Variants in CAMKMT observed in about 807,000 individuals in gnomAD.
The protein encoded by CAMKMT is calmodulin-lysine N-methyltransferase.
A neutral mutation model predicts 48.0 loss-of-function variants in CAMKMT; 53 were observed. The observed-to-expected ratio is 1.10, with a 90% CI of 0.89 to 1.39. CAMKMT has a LOEUF of 1.39. Ranked by LOEUF, CAMKMT falls within the 40% of genes most tolerant of loss-of-function variation. The pLI is 0.00. For missense variants in CAMKMT, 428 were observed against 402.7 expected, an observed-to-expected ratio of 1.06 and a Z score of -0.54; for synonymous variants, 165 against 152.3, an observed-to-expected ratio of 1.08 and a Z score of -0.61.
At position 44,623,480 on chromosome 2, in the gene CAMKMT, TC is replaced by T. The variant is rs528625442; in HGVS notation, c.377-80801del. On this transcript the variant is annotated intron_variant, in intron 3 of 10. Coordinates refer to ENST00000378494, the MANE Select transcript of CAMKMT (RefSeq NM_024766.5). ...TGAGGTCTTCTGTTTAAGTCTTTAA[TC>T]CATCTTGAGTTAATTTTTTTATATG... Among the ~76,000 whole-genome samples the T allele has an allele frequency of 2.4e-3, 369 of 152,326 alleles. 3 individuals carry two copies. Among genetic ancestry groups the T allele is most frequent in the African/African-American group, 8.5e-3 (354 of 41,572 alleles).
intron 3 of CAMKMT, among the ~76,000 whole-genome samples, chr2:44,397,860 G>A (rs1329451963): frequency 2.6e-5 from 4 of 152,164 alleles, no homozygotes; most frequent in Non-Finnish European, 5.9e-5. Context: ...ATAATCCTTT[G>A]TAGATTCATA....
intron 3 of CAMKMT, among the ~76,000 whole-genome samples, chr2:44,675,123 A>T (rs1360138109): frequency 6.6e-6 from 1 of 151,290 alleles, no homozygotes; most frequent in Non-Finnish European, 1.5e-5. Context: ...ATAGTAGGAG[A>T]ATCTTCCCTT....
intron 3 of CAMKMT, among the ~76,000 whole-genome samples, chr2:44,391,695 G>T (rs1681357236): frequency 6.6e-6 from 1 of 152,100 alleles, no homozygotes; most frequent in Non-Finnish European, 1.5e-5. Context: ...GCCACTAGCT[G>T]ACAGCATTAT....
At chr2:44,403,346 C>A (rs552754082) in intron 3 of CAMKMT, among the ~76,000 whole-genome samples, 61 of 152,258 alleles carry the variant, frequency 4.0e-4, no homozygotes, top group East Asian at 5.8e-4. Context: ...TTGAGCTGCA[C>A]GAATGCCTTC....
intron 3 of CAMKMT, chr2:44,456,542 T>C: frequency 1.3e-6 from 2 of 1,549,158 alleles, no homozygotes; most frequent in Non-Finnish European, 1.7e-6. Flanking sequence ...TTACCTTTTC[T>C]ATACATGTCA....
chr2:44,522,559 C>T (rs1056281884), intron 3 of CAMKMT, among the ~76,000 whole-genome samples: 10 of 152,262 alleles, frequency 6.6e-5, no homozygotes, highest in Non-Finnish European at 1.5e-4. Context: ...GTTCTTTTGT[C>T]TGTCTGAAAG....
chr2:44,581,970 G>A (rs911950972), intron 3 of CAMKMT, among the ~76,000 whole-genome samples: 2 of 152,244 alleles, frequency 1.3e-5, no homozygotes, highest in African/African-American at 4.8e-5. Flanking sequence ...CTGCACTCCA[G>A]GCTGGGCAAC....
chr2:44,415,328 A>T (rs1683481996), intron 3 of CAMKMT, among the ~76,000 whole-genome samples: 1 of 152,168 alleles, frequency 6.6e-6, no homozygotes, highest in Non-Finnish European at 1.5e-5. Context: ...TTCCTTCTTT[A>T]TAGGTCCAGG....
chr2:44,451,853 T>G (rs1667304072), intron 3 of CAMKMT, among the ~76,000 whole-genome samples: 1 of 151,888 alleles, frequency 6.6e-6, no homozygotes, highest in Non-Finnish European at 1.5e-5. Context: ...TGAGACAATT[T>G]TAGAGAAAAA....
In CAMKMT at chr2:44,756,231, G is replaced by A. The variant is rs1015258233; in HGVS notation, c.762+2113G>A. Among the ~76,000 whole-genome samples, 3 of 152,236 alleles carry A rather than the reference G, an allele frequency of 2.0e-5. No individual in the cohort carries two copies. In the South Asian group the frequency reaches 6.2e-4, roughly 32 times the overall value. On this transcript the variant is annotated intron_variant, in intron 9 of 10. Transcript: ENST00000378494. Reference sequence around the variant, plus strand: ...TTGATGGGCTAGGAGGCTGTCCAGAGCATGGGAGCAACCAGTAGAAAACTG... The same window carrying A: ...TTGATGGGCTAGGAGGCTGTCCAGAACATGGGAGCAACCAGTAGAAAACTG...
At chr2:44,615,608 G>C (rs1403678525) in intron 3 of CAMKMT, among the ~76,000 whole-genome samples, 2 of 152,158 alleles carry the variant, frequency 1.3e-5, no homozygotes, top group African/African-American at 4.8e-5. Context: ...TGAGATGATG[G>C]ATGTGGTTTG....
rs552806268 is a variant in CAMKMT, at chr2:44,731,135, G to T, written c.624-12487G>T. On this transcript the variant is annotated intron_variant, in intron 7 of 10. Coordinates refer to ENST00000378494, the MANE Select transcript of CAMKMT (RefSeq NM_024766.5). Reference sequence around the variant, plus strand: ...GCGGGTGGATCACTTGAGGCCAGAAGTTTGAGACCAGCCTGGCCAACATGG... The same window carrying T: ...GCGGGTGGATCACTTGAGGCCAGAATTTTGAGACCAGCCTGGCCAACATGG... 6.6e-4 allele frequency among the ~76,000 whole-genome samples: 101 copies of T among 152,312 alleles called. 1 individual carries two copies. The highest frequency in any genetic ancestry group is 1.3e-3 in the Non-Finnish European group (90 of 68,026).
intron 3 of CAMKMT, among the ~76,000 whole-genome samples, chr2:44,602,252 G>C (rs994781029): frequency 4.6e-5 from 7 of 151,916 alleles, no homozygotes; most frequent in African/African-American, 7.3e-5. Flanking sequence ...CAAAGTGCTG[G>C]TATTAGAAGC....
chr2:44,754,129 T>C lies in CAMKMT; in HGVS notation c.762+11T>C. ...TTACTCCAGCCCAGGGTAAGTATGT[T>C]TCTATTTTCTCCTGAACACTGGCTA... On this transcript the variant is annotated intron_variant, in intron 9 of 10. Transcript: ENST00000378494. The C allele has an allele frequency of 1.2e-6, 2 of 1,606,358 alleles. No individual in the cohort carries two copies. The highest frequency in any genetic ancestry group is 2.2e-5 in the South Asian group (2 of 90,930).
chr2:44,741,266 G>C (rs1316893045), intron 7 of CAMKMT, among the ~76,000 whole-genome samples: 1 of 152,178 alleles, frequency 6.6e-6, no homozygotes, highest in African/African-American at 2.4e-5. Context: ...AGCATGCATG[G>C]GAGTGTATCT....
chr2:44,632,180 A>G (rs1464705505), intron 3 of CAMKMT, among the ~76,000 whole-genome samples: 2 of 152,250 alleles, frequency 1.3e-5, no homozygotes, highest in South Asian at 2.1e-4. Flanking sequence ...CTGAGTTTCT[A>G]TGTAGTATTA....
chr2:44,497,984 C>G (rs1439595373), intron 3 of CAMKMT, among the ~76,000 whole-genome samples: 1 of 151,984 alleles, frequency 6.6e-6, no homozygotes, highest in Non-Finnish European at 1.5e-5. Context: ...AAGGTTAGGT[C>G]ATTCATTATG....
intron 3 of CAMKMT, among the ~76,000 whole-genome samples, chr2:44,642,367 G>A (rs906605291): frequency 6.6e-6 from 1 of 152,214 alleles, no homozygotes; most frequent in African/African-American, 2.4e-5. Context: ...CTCTGAAAGT[G>A]TCTCAAGTGC....
intron 3 of CAMKMT, among the ~76,000 whole-genome samples, chr2:44,522,302 G>A (rs1053315239): frequency 6.6e-6 from 1 of 151,894 alleles, no homozygotes; most frequent in African/African-American, 2.4e-5. Context: ...ACCGAGCCCG[G>A]CCCCTCTTTT....
Sources: gnomAD v4.1 joint callset for allele counts (sites outside exome capture counted in the v4.1 genomes callset) on GRCh38, gnomAD v4.1.1 for gene constraint, MANE v1.5 for transcripts, NCBI Gene and HGNC (gene_info 2026-07-23, HGNC 2026-07-21) for gene names.